TRAPPC12: variants seen among roughly 807,000 people sequenced by gnomAD.
TRAPPC12 encodes TPR repeat protein 15.
A neutral mutation model predicts 69.2 loss-of-function variants in TRAPPC12; 61 were observed. That is an observed-to-expected ratio of 0.88 (90% CI 0.72 to 1.09). The LOEUF (loss-of-function observed/expected upper bound fraction) is 1.09, where lower values mean the gene tolerates loss of function less well. Ranked by LOEUF, TRAPPC12 falls within the 50% of genes least tolerant of loss-of-function variation. The pLI is 0.00. For synonymous variants in TRAPPC12, 469 were observed against 438.9 expected, an observed-to-expected ratio of 1.07 and a Z score of -0.86; for missense variants, 1,101 against 1,016.4, an observed-to-expected ratio of 1.08 and a Z score of -1.13.
chr2:3,428,975 C>T (rs2103069262), intron 5 of TRAPPC12, among the ~76,000 whole-genome samples: 1 of 152,352 alleles, frequency 6.6e-6, no homozygotes, highest in Non-Finnish European at 1.5e-5. Context: ...TTCTTCCCCT[C>T]TCAGACCCTA....
In TRAPPC12 at chr2:3,477,703, C is replaced by T; in HGVS notation, c.1785C>T (p.Asp595=). ...GIGRISLQIG[D]IKTAEKYFQD... ...AAATTTTGTCAAAGCAGATTGGAGA[C>T]ATAAAAACAGCTGAAAAGTATTTTC... Residue 595 remains aspartate (D), a synonymous_variant, in exon 10 of 12, where the codon GAC becomes GAT. Coordinates refer to ENST00000324266, the MANE Select transcript of TRAPPC12 (RefSeq NM_016030.6). 1.2e-6 allele frequency: 2 copies of T among 1,605,010 alleles called. No homozygotes were observed. Among genetic ancestry groups the T allele is most frequent in the Non-Finnish European group, 1.7e-6 (2 of 1,175,954 alleles).
chr2:3,424,806 C>A, intron 5 of TRAPPC12, 143 bp downstream of exon 5: 1 of 912,792 alleles, frequency 1.1e-6, no homozygotes, highest in Non-Finnish European at 1.6e-6. Flanking sequence ...CAAGCCTTGA[C>A]TTACAGAATG....
At chr2:3,392,589 T>C (rs73143401) in intron 2 of TRAPPC12, among the ~76,000 whole-genome samples, 18,941 of 152,272 alleles carry the variant, frequency 0.12, 1,257 homozygotes, top group Middle Eastern at 0.28. Flanking sequence ...GATCTCTGTT[T>C]AAGTCAAAGA....
chr2:3,431,281 C>T (rs557392604), intron 5 of TRAPPC12, among the ~76,000 whole-genome samples: 43 of 152,206 alleles, frequency 2.8e-4, no homozygotes, highest in Non-Finnish European at 5.3e-4. Context: ...GACAGACAGT[C>T]TCTGTAATCT....
intron 10 of TRAPPC12, 162 bp from the exon 11 acceptor site, chr2:3,478,684 A>C (rs1056394174): frequency 1.6e-6 from 1 of 607,214 alleles, no homozygotes; most frequent in Non-Finnish European, 2.9e-6. Context: ...GCGAGCCTGA[A>C]TGCAAAACGC....
chr2:3,457,936 A>G lies in TRAPPC12; in HGVS notation c.1603+243A>G, dbSNP rs73133003. ...CCCGGGGAGAAGACACGCCTTCACC[A>G]CAAAAGCACACGGCCCGGAACCTGC... On this transcript the variant is annotated intron_variant, in intron 7 of 11. Transcript: ENST00000324266. The G allele has an allele frequency of 0.019, 25,782 of 1,393,564 alleles. 3,466 individuals carry two copies. In the African/African-American group the frequency reaches 0.31, roughly 17 times the overall value. The allele number at this position is 1,393,564 out of a possible 1,614,324, so 86.3% of individuals were successfully genotyped here.
rs571507710 is a variant in TRAPPC12, at chr2:3,408,961, G to A, written c.1164+7068G>A. On this transcript the variant is annotated intron_variant, in intron 3 of 11. Transcript: ENST00000324266. ...GCTCCTTTCCTGCCCTGCGCGGCCC[G>A]CTGCGGCACAGAGCTATGTGCACCG... Among the ~76,000 whole-genome samples the A allele has an allele frequency of 1.1e-4, 17 of 152,282 alleles. No homozygotes were observed. In the South Asian group the frequency reaches 3.5e-3, roughly 32 times the overall value.
chr2:3,411,750 T>C (rs563600451), intron 3 of TRAPPC12, among the ~76,000 whole-genome samples: 4 of 152,366 alleles, frequency 2.6e-5, no homozygotes, highest in African/African-American at 7.2e-5. Flanking sequence ...AACTGTCTTA[T>C]ACAGAATTCT....
At chr2:3,469,281 A>G (rs1029598380) in intron 9 of TRAPPC12, among the ~76,000 whole-genome samples, 3 of 152,230 alleles carry the variant, frequency 2.0e-5, no homozygotes, top group Non-Finnish European at 4.4e-5. Flanking sequence ...TGGTGCCACT[A>G]CGGAAGCAAA....
At chr2:3,460,222 C>G (rs778703105) in intron 7 of TRAPPC12, 41 bp from the exon 8 acceptor site, 22 of 872,438 alleles carry the variant, frequency 2.5e-5, no homozygotes, top group Non-Finnish European at 4.0e-5. Context: ...GAAAGAGCCT[C>G]GAATTTATTT....
At chr2:3,424,479 G>A in intron 4 of TRAPPC12, 46 bp from the exon 5 acceptor site, 1 of 1,589,212 alleles carries the variant, frequency 6.3e-7, no homozygotes, top group Non-Finnish European at 8.6e-7. Context: ...ATTCTGAACT[G>A]GATATATGTA....
At chr2:3,410,463 C>A (rs1387683800) in intron 3 of TRAPPC12, among the ~76,000 whole-genome samples, 1 of 152,028 alleles carries the variant, frequency 6.6e-6, no homozygotes, top group African/African-American at 2.4e-5. Context: ...ATGGCAAAAG[C>A]TGAAGGCTTT....
At chr2:3,383,499 A>C (rs972607501) in intron 1 of TRAPPC12, among the ~76,000 whole-genome samples, 2 of 150,578 alleles carry the variant, frequency 1.3e-5, no homozygotes, top group East Asian at 2.0e-4. Context: ...CCTGGGTTCA[A>C]GCGATTCTCC....
intron 3 of TRAPPC12, among the ~76,000 whole-genome samples, chr2:3,406,305 C>A (rs1661726528): frequency 1.2e-5 from 1 of 84,614 alleles, no homozygotes; most frequent in African/African-American, 6.0e-5. Context: ...TGTTTGCTGT[C>A]TGAATCCTCT....
chr2:3,443,751 AACTC>A (rs747260826), intron 5 of TRAPPC12, 24 bp from the exon 6 acceptor site: 2 of 1,595,526 alleles, frequency 1.3e-6, no homozygotes. Flanking sequence ...ATGGCAAACA[AACTC>A]ACTCAGCACT....
Position 3,388,091 on chromosome 2 carries a change from G to T in TRAPPC12, c.468G>T (p.Pro156=), listed in dbSNP as rs1295471118. ...RPEQEPPVAE[P]VPVCTIFSQR... ...AGCAGGAGCCTCCCGTTGCGGAGCC[G>T]GTCCCGGTGTGCACCATCTTCAGCC... The change falls in exon 2 of 12, where the codon CCG becomes CCT. Residue 156 remains proline (P), a synonymous_variant. Coordinates refer to ENST00000324266, the MANE Select transcript of TRAPPC12 (RefSeq NM_016030.6). 2 of 1,545,958 alleles carry T rather than the reference G, an allele frequency of 1.3e-6. No individual in the cohort carries two copies. The highest frequency in any genetic ancestry group is 1.2e-5 in the South Asian group (1 of 84,980).
Position 3,388,307 on chromosome 2 carries a change from T to C in TRAPPC12, c.684T>C (p.Thr228=), listed in dbSNP as rs1660613007. Residue 228 remains threonine (T), a synonymous_variant, in exon 2 of 12, where the codon ACT becomes ACC. Coordinates refer to ENST00000324266, the MANE Select transcript of TRAPPC12 (RefSeq NM_016030.6). The stretch of plus-strand genomic sequence containing the variant: ...CCTCGGACTTCTTCGACTCCTTTAC[T>C]ACCTCCGCCTTCATTTCCGTCAGCA... ...SLASDFFDSF[T]TSAFISVSNP... 1.0e-5 allele frequency: 16 copies of C among 1,604,942 alleles called. No homozygotes were observed. The highest frequency in any genetic ancestry group is 1.4e-5 in the Non-Finnish European group (16 of 1,176,048).
chr2:3,419,803 A>G (rs1662675345), intron 3 of TRAPPC12, among the ~76,000 whole-genome samples: 1 of 152,212 alleles, frequency 6.6e-6, no homozygotes, highest in Non-Finnish European at 1.5e-5. Context: ...AGAACGGTGG[A>G]AAGTTCACCT....
chr2:3,465,524 G>C, intron 8 of TRAPPC12, 73 bp from the exon 9 acceptor site: 5 of 1,040,992 alleles, frequency 4.8e-6, no homozygotes, highest in Non-Finnish European at 6.1e-6. Flanking sequence ...GTATACACTT[G>C]TGCTCTTCTA....
Sources: allele counts gnomAD v4.1 joint callset (sites outside exome capture counted in the v4.1 genomes callset), GRCh38; gene constraint gnomAD v4.1.1; transcripts MANE v1.5; gene names NCBI Gene and HGNC (gene_info 2026-07-23, HGNC 2026-07-21).